Variants in FYCO1 observed in about 807,000 individuals in gnomAD.
FYCO1 encodes FYVE and coiled-coil domain-containing protein 1.
A neutral mutation model predicts 165.1 loss-of-function variants in FYCO1; 122 were observed. That is an observed-to-expected ratio of 0.74 (90% CI 0.64 to 0.86). The LOEUF (loss-of-function observed/expected upper bound fraction) is 0.86. Among genes scored for constraint, FYCO1 ranks in the 40% least tolerant of loss-of-function variants. The pLI, the probability that FYCO1 is intolerant of heterozygous loss-of-function variation, is 0.00. For missense variants in FYCO1, 1,702 were observed against 1,810.3 expected (o/e 0.94, Z 1.09); for synonymous variants, 648 against 742.5 (o/e 0.87, Z 2.07).
intron 13 of FYCO1, among the ~76,000 whole-genome samples, chr3:45,956,291 G>T (rs759526107): frequency 2.0e-5 from 3 of 151,666 alleles, no homozygotes; most frequent in Non-Finnish European, 1.5e-5. Flanking sequence ...AGCCGAGATC[G>T]TACCACTGCA....
At chr3:45,970,152 G>C (rs1366125783) in intron 6 of FYCO1, among the ~76,000 whole-genome samples, 1 of 152,226 alleles carries the variant, frequency 6.6e-6, no homozygotes, top group African/African-American at 2.4e-5. Flanking sequence ...CGCTCTGTAT[G>C]ACACAGCAAC....
At position 45,975,347 on chromosome 3, in the gene FYCO1, T is replaced by C; in HGVS notation, c.289-2A>G. The stretch of plus-strand genomic sequence containing the variant: ...TCCTTTCCCCAAGGATGTTCGGAGC[T>C]GGAAAAAGCAGATTACATAGAGCCA... On this transcript the variant is annotated splice_acceptor_variant, in intron 4 of 17. Coordinates refer to ENST00000296137, the MANE Select transcript of FYCO1 (RefSeq NM_024513.4). LOFTEE classifies it high-confidence loss of function. 6 of 1,612,016 alleles carry C rather than the reference T, an allele frequency of 3.7e-6. No individual in the cohort carries two copies. The highest frequency in any genetic ancestry group is 5.1e-6 in the Non-Finnish European group (6 of 1,178,088).
intron 14 of FYCO1, chr3:45,947,553 C>T (rs747796204): frequency 6.8e-7 from 1 of 1,460,160 alleles, no homozygotes; most frequent in East Asian, 2.3e-5. Flanking sequence ...ATTTGCAAGT[C>T]ATGGCTGTGC....
Position 45,984,414 on chromosome 3 carries a change from C to T in FYCO1, c.55+442G>A, listed in dbSNP as rs550570006. ...AGTGCATCCCAGGCAATGGGCCATC[C>T]GCCAGCCAGGACCCAGTTGGGCAGC... On this transcript the variant is annotated intron_variant, in intron 2 of 17. Transcript: ENST00000296137. Among the ~76,000 whole-genome samples, 34 of 152,298 alleles carry T rather than the reference C, an allele frequency of 2.2e-4. 1 individual carries two copies. The South Asian group carries it at 4.4e-3, about 20-fold the overall frequency.
At chr3:45,959,005 C>T (rs1353236180) in intron 12 of FYCO1, among the ~76,000 whole-genome samples, 2 of 152,242 alleles carry the variant, frequency 1.3e-5, no homozygotes, top group African/African-American at 4.8e-5. Context: ...CCATCCTTCT[C>T]TGGCCTTCAT....
At position 45,968,613 on chromosome 3, in the gene FYCO1, G is replaced by T. The variant is rs745339804; in HGVS notation, c.721C>A (p.Gln241Lys). ...AGCTGCTTCTCCCGCACCTCCAACT[G>T]GTCCAGCTCTAGTCGCATCTCATCA... is the stretch of plus-strand genomic sequence containing the variant. ...GFDEMRLELD[Q>K]LEVREKQLRE... The change falls in exon 8 of 18, where the codon CAG becomes AAG. Residue 241 changes from glutamine (Q) to lysine (K), a missense_variant. Coordinates refer to ENST00000296137, the MANE Select transcript of FYCO1 (RefSeq NM_024513.4). 6.2e-7 allele frequency: 1 copy of T among 1,614,004 alleles called. No homozygotes were observed. The highest frequency in any genetic ancestry group is 1.7e-5 in the Admixed American group (1 of 60,018).
intron 14 of FYCO1, chr3:45,945,031 C>CA (rs2125819833): frequency 6.6e-6 from 1 of 152,220 alleles, no homozygotes; most frequent in African/African-American, 2.4e-5. Context: ...TTTTATTAAG[C>CA]AGTCTTAGCC....
chr3:45,956,972 G>T (rs778932480), intron 13 of FYCO1, among the ~76,000 whole-genome samples: 3 of 152,164 alleles, frequency 2.0e-5, no homozygotes, highest in Admixed American at 2.0e-4. Flanking sequence ...GTCACTCTAC[G>T]TGATGTTAAG....
chr3:45,958,533 G>A lies in FYCO1; in HGVS notation c.3674C>T (p.Ala1225Val). ...HGGKKERCCR[A>V]CFQKLSEGPG... ...GCCTTCACTGAGCTTCTGGAAACAG[G>A]CTCGGCAGCAGCGCTCCTTTTTGCC... is the stretch of plus-strand genomic sequence containing the variant. The change falls in exon 13 of 18, where the codon GCC becomes GTC. Residue 1225 changes from alanine (A) to valine (V), a missense_variant. Ala to Val is a moderately conservative substitution (Grantham distance 64, BLOSUM62 0). Coordinates refer to ENST00000296137, the MANE Select transcript of FYCO1 (RefSeq NM_024513.4). 2 of 1,614,232 alleles carry A rather than the reference G, an allele frequency of 1.2e-6. No individual in the cohort carries two copies. The highest frequency in any genetic ancestry group is 1.7e-6 in the Non-Finnish European group (2 of 1,180,052).
At chr3:45,933,855 C>T (rs1041180212) in intron 15 of FYCO1, among the ~76,000 whole-genome samples, 2 of 151,686 alleles carry the variant, frequency 1.3e-5, no homozygotes, top group East Asian at 3.9e-4. Context: ...TTAAAGCAGC[C>T]ATCAAAAAAA....
Position 45,966,751 on chromosome 3 carries a change from A to T in FYCO1, c.2583T>A (p.Asp861Glu), listed in dbSNP as rs1418365378. Residue 861 changes from aspartate (D) to glutamate (E), a missense_variant, in exon 8 of 18, where the codon GAT (aspartate) becomes GAA (glutamate). Asp to Glu is a conservative substitution (Grantham distance 45). Coordinates refer to ENST00000296137, the MANE Select transcript of FYCO1 (RefSeq NM_024513.4). ...GCTCCTCCTCCCTCTGCTGGGCCTC[A>T]TCGGCCCTCTCCTCCTGCAGTGCCC... ...REGALQEERA[D>E]EAQQREEELR... is the part of the protein sequence containing the mutation. 6.2e-7 allele frequency: 1 copy of T among 1,610,704 alleles called. No individual in the cohort carries two copies. Among genetic ancestry groups the T allele is most frequent in the East Asian group, 2.2e-5 (1 of 44,884 alleles).
At position 45,967,569 on chromosome 3, in the gene FYCO1, C is replaced by T. The variant is rs886058568; in HGVS notation, c.1765G>A (p.Glu589Lys). ...SSLQEAWGKPEEEQRGLQEAQ... is the reference protein window; with the variant it reads ...SSLQEAWGKPKEEQRGLQEAQ... ...TCCTGCAGGCCCCTCTGCTCCTCCT[C>T]TGGCTTCCCCCAGGCCTCTTGCAGA... Residue 589 changes from glutamate (E) to lysine (K), a missense_variant, in exon 8 of 18, where the codon GAG (glutamate) becomes AAG (lysine). By Grantham distance (56) the Glu-to-Lys change is moderately conservative. Transcript: ENST00000296137. The T allele has an allele frequency of 1.2e-6, 2 of 1,614,122 alleles. No individual in the cohort carries two copies. Among genetic ancestry groups the T allele is most frequent in the Non-Finnish European group, 1.7e-6 (2 of 1,180,022 alleles).
chr3:45,981,266 G>A (rs1188301477), intron 3 of FYCO1, among the ~76,000 whole-genome samples: 6 of 152,244 alleles, frequency 3.9e-5, no homozygotes, highest in South Asian at 2.1e-4. Flanking sequence ...AAAGGGGTAT[G>A]TAACTGTCCC....
intron 16 of FYCO1, among the ~76,000 whole-genome samples, chr3:45,924,226 C>T (rs1437468216): frequency 1.3e-5 from 2 of 152,162 alleles, no homozygotes; most frequent in Non-Finnish European, 2.9e-5. Context: ...GCCCACTCTC[C>T]TCCAGGCTCG....
intron 16 of FYCO1, among the ~76,000 whole-genome samples, chr3:45,925,983 GA>G (rs1703302305): frequency 6.6e-6 from 1 of 152,102 alleles, no homozygotes; most frequent in African/African-American, 2.4e-5. Flanking sequence ...ACAAAAAATA[GA>G]AAACATATGA....
intron 14 of FYCO1, among the ~76,000 whole-genome samples, chr3:45,939,582 A>C (rs1225989684): frequency 6.6e-6 from 1 of 152,210 alleles, no homozygotes; most frequent in East Asian, 1.9e-4. Context: ...AAACTAGCTG[A>C]GGGAGGAACA....
At chr3:45,928,850 A>C (rs1228703903) in intron 16 of FYCO1, among the ~76,000 whole-genome samples, 1 of 152,102 alleles carries the variant, frequency 6.6e-6, no homozygotes, top group Non-Finnish European at 1.5e-5. Flanking sequence ...TTACACAGTG[A>C]GCTCCTCAAC....
chr3:45,962,914 G>T lies in FYCO1; in HGVS notation c.3270-522C>A, dbSNP rs1056104770. On this transcript the variant is annotated intron_variant, in intron 10 of 17. Transcript: ENST00000296137. This position sits in a 1 kb window ranked among gnomAD's most constrained non-coding sequence, Gnocchi z 4.4. ...CTGTTCTACCTGATAGCCCCCCTGAGGCCCAGGGAATTCCGTTTTGGGTGC... is the reference window on the plus strand; with the variant it reads ...CTGTTCTACCTGATAGCCCCCCTGATGCCCAGGGAATTCCGTTTTGGGTGC... Among the ~76,000 whole-genome samples, 1 of 152,124 alleles carries T rather than the reference G, an allele frequency of 6.6e-6. No homozygotes were observed. Among genetic ancestry groups the T allele is most frequent in the African/African-American group, 2.4e-5 (1 of 41,398 alleles).
Position 45,931,079 on chromosome 3 carries a change from G to A in FYCO1, c.4243C>T (p.Gln1415Ter). ...AGGGAGCCCAGCCTTACCTTACACT[G>A]ATCCAGCGGTGTGTCCTCGGCCTCC... ...FQEAEDTPLD[Q>*]CKVLIPTTRC... Residue 1415 changes from glutamine (Q) to a stop codon, truncating the protein, a stop_gained, in exon 16 of 18, where the codon CAG (glutamine) becomes TAG (stop). Transcript: ENST00000296137. LOFTEE classifies it high-confidence loss of function. The A allele has an allele frequency of 6.2e-7, 1 of 1,613,412 alleles. No individual in the cohort carries two copies. Among genetic ancestry groups the A allele is most frequent in the Non-Finnish European group, 8.5e-7 (1 of 1,179,796 alleles).
Sources: gnomAD v4.1 joint callset for allele counts (sites outside exome capture counted in the v4.1 genomes callset) on GRCh38, gnomAD v4.1.1 for gene constraint, Gnocchi (gnomAD v3.1) non-coding constraint, MANE v1.5 for transcripts, NCBI Gene and HGNC (gene_info 2026-07-23, HGNC 2026-07-21) for gene names.